Variants in CSMD3 observed in about 807,000 individuals in gnomAD.
CSMD3 encodes the protein CUB and sushi domain-containing protein 3.
CSMD3 carries 177 observed loss-of-function variants against 435.2 expected under a neutral mutation model. The ratio of observed to expected loss-of-function variants is 0.41; its 90% CI spans 0.36 to 0.46. CSMD3 has a LOEUF of 0.46. Among genes scored for constraint, CSMD3 ranks in the 20% least tolerant of loss-of-function variants. The probability of loss-of-function intolerance (pLI) is 0.34; values close to 1 mark genes in which losing one functional copy is unlikely to be tolerated. For synonymous variants in CSMD3, 1,656 were observed against 1,520.5 expected (o/e 1.09, Z -2.07); for missense variants, 4,265 against 4,504.6 (o/e 0.95, Z 1.52).
intron 1 of CSMD3, among the ~76,000 whole-genome samples, chr8:113,385,657 T>C (rs903577805): frequency 1.3e-5 from 2 of 152,104 alleles, no homozygotes; most frequent in South Asian, 2.1e-4. Context: ...AGCTGGGGAT[T>C]GAATTTGTGG....
At chr8:112,485,029 C>T (rs1819986270) in intron 31 of CSMD3, among the ~76,000 whole-genome samples, 1 of 152,112 alleles carries the variant, frequency 6.6e-6, no homozygotes, top group Admixed American at 6.5e-5. Context: ...TCCATAGCAG[C>T]AGGGATTTGT....
chr8:112,708,465 T>C (rs553223948), intron 13 of CSMD3, among the ~76,000 whole-genome samples: 3 of 152,012 alleles, frequency 2.0e-5, no homozygotes, highest in East Asian at 1.9e-4. Context: ...GGGATTCATT[T>C]TGGAATAATT....
chr8:113,023,172 T>G (rs12545738), intron 5 of CSMD3, among the ~76,000 whole-genome samples: 64,724 of 151,804 alleles, frequency 0.43, 14,600 homozygotes, highest in East Asian at 0.78. Flanking sequence ...TTTTCAAACT[T>G]TCTCAAATTT....
chr8:113,162,839 A>G (rs905047167), intron 4 of CSMD3, among the ~76,000 whole-genome samples: 1 of 152,126 alleles, frequency 6.6e-6, no homozygotes, highest in East Asian at 1.9e-4. Flanking sequence ...GAGAGAGGCA[A>G]TACAGTATAA....
At chr8:113,207,612 A>G (rs1440373342) in intron 3 of CSMD3, among the ~76,000 whole-genome samples, 4 of 151,916 alleles carry the variant, frequency 2.6e-5, no homozygotes, top group African/African-American at 9.7e-5. Flanking sequence ...CAAACTCCTG[A>G]CCTCAGATGA....
At chr8:113,383,621 C>G (rs971810110) in intron 1 of CSMD3, among the ~76,000 whole-genome samples, 2 of 152,142 alleles carry the variant, frequency 1.3e-5, no homozygotes, top group African/African-American at 4.8e-5. Flanking sequence ...TTTTCAGTGC[C>G]TGCAGATCAT....
At chr8:113,205,909 G>A (rs1009015912) in intron 3 of CSMD3, among the ~76,000 whole-genome samples, 1 of 152,024 alleles carries the variant, frequency 6.6e-6, no homozygotes, top group Admixed American at 6.6e-5. Flanking sequence ...GATGTGGACA[G>A]TTATAATCAT....
chr8:112,812,039 G>A (rs1416888498), intron 12 of CSMD3, among the ~76,000 whole-genome samples: 2 of 152,190 alleles, frequency 1.3e-5, no homozygotes, highest in East Asian at 3.9e-4. Context: ...GACATGAGCA[G>A]GGCAGGAAAG....
At chr8:112,259,404 C>T (rs1436396900) in intron 61 of CSMD3, among the ~76,000 whole-genome samples, 1 of 151,990 alleles carries the variant, frequency 6.6e-6, no homozygotes, top group Non-Finnish European at 1.5e-5. Context: ...AACACAGGGA[C>T]ACAGGGAGGG....
chr8:112,576,835 C>CATATATATATATATATATATATAT (rs5894088), intron 23 of CSMD3, among the ~76,000 whole-genome samples: 7 of 71,606 alleles, frequency 9.8e-5, no homozygotes, highest in African/African-American at 2.5e-4. Flanking sequence ...AGGCAGCATA[C>CATATATATATATATATATATATAT]ATATATATAT....
intron 1 of CSMD3, among the ~76,000 whole-genome samples, chr8:113,360,474 C>T (rs1034516305): frequency 6.6e-6 from 1 of 151,626 alleles, no homozygotes; most frequent in Non-Finnish European, 1.5e-5. Context: ...CTTCAAAGGA[C>T]ACATCAATTT....
chr8:112,235,815 A>G (rs1302118502), intron 67 of CSMD3, among the ~76,000 whole-genome samples: 1 of 152,104 alleles, frequency 6.6e-6, no homozygotes, highest in Non-Finnish European at 1.5e-5. Context: ...AATTGCTACA[A>G]TTGGTTTATA....
intron 58 of CSMD3, 30 bp downstream of exon 58, chr8:112,287,034 G>C (rs1563739739): frequency 6.4e-7 from 1 of 1,571,494 alleles, no homozygotes; most frequent in East Asian, 2.2e-5. Flanking sequence ...TCCAGTAGTT[G>C]CAATATATTT....
intron 4 of CSMD3, among the ~76,000 whole-genome samples, chr8:113,123,602 C>G (rs1164467011): frequency 6.6e-6 from 1 of 152,042 alleles, no homozygotes; most frequent in Non-Finnish European, 1.5e-5. Context: ...AAACTCGTTT[C>G]TAACTTTCAC....
intron 22 of CSMD3, among the ~76,000 whole-genome samples, chr8:112,613,519 T>C (rs1833428814): frequency 6.6e-6 from 1 of 152,184 alleles, no homozygotes; most frequent in Non-Finnish European, 1.5e-5. Flanking sequence ...TTCAAAGATG[T>C]GAACCAAATT....
intron 1 of CSMD3, among the ~76,000 whole-genome samples, chr8:113,432,383 G>T (rs1285258370): frequency 1.3e-5 from 2 of 152,188 alleles, no homozygotes; most frequent in Admixed American, 6.5e-5. Flanking sequence ...TTCTTCCTTT[G>T]GTTGTCCTCC....
intron 32 of CSMD3, among the ~76,000 whole-genome samples, chr8:112,471,431 C>G (rs1818511377): frequency 6.6e-6 from 1 of 152,136 alleles, no homozygotes; most frequent in African/African-American, 2.4e-5. Flanking sequence ...AAAGACCTAA[C>G]CTTTGATTCA....
intron 2 of CSMD3, among the ~76,000 whole-genome samples, chr8:113,293,648 G>A (rs913301263): frequency 6.6e-6 from 1 of 152,006 alleles, no homozygotes; most frequent in Admixed American, 6.6e-5. Flanking sequence ...TTCTTTCTTT[G>A]CTAAATAACT....
At chr8:112,587,959 G>A (rs1322616492) in intron 22 of CSMD3, among the ~76,000 whole-genome samples, 1 of 151,798 alleles carries the variant, frequency 6.6e-6, no homozygotes, top group African/African-American at 2.4e-5. Context: ...AGGAAAATGT[G>A]AGAATTTCTC....
Sources: allele counts gnomAD v4.1 joint callset (sites outside exome capture counted in the v4.1 genomes callset), GRCh38; gene constraint gnomAD v4.1.1; transcripts MANE v1.5; gene names NCBI Gene and HGNC (gene_info 2026-07-23, HGNC 2026-07-21).